Variants in RAP1GDS1 observed in about 807,000 individuals in gnomAD.
RAP1GDS1 encodes Rap1 GTPase-GDP dissociation stimulator 1.
Under a neutral mutation model 71.1 loss-of-function variants are expected in RAP1GDS1, and 35 were observed. The ratio of observed to expected loss-of-function variants is 0.49; its 90% confidence interval spans 0.38 to 0.65. RAP1GDS1 has a LOEUF of 0.65. RAP1GDS1 is among the 30% of genes least tolerant of loss of function. The pLI, the probability that RAP1GDS1 is intolerant of heterozygous loss-of-function variation, is 0.00. For synonymous variants in RAP1GDS1, 229 were observed against 243.1 expected (o/e 0.94, Z 0.54); for missense variants, 663 against 706.1 (o/e 0.94, Z 0.69).
At chr4:98,433,570 G>A (rs140992054) in intron 12 of RAP1GDS1, among the ~76,000 whole-genome samples, 10 of 152,256 alleles carry the variant, frequency 6.6e-5, no homozygotes, top group Admixed American at 2.6e-4. Context: ...CTGAGCCACC[G>A]TGCCCAGCTG....
rs548004841 is a variant in RAP1GDS1 at position 98,419,556 on chromosome 4, A to C, written c.1175-463A>C. Among the ~76,000 whole-genome samples, 9 of 152,348 alleles carry C rather than the reference A, an allele frequency of 5.9e-5. No homozygotes were observed. The East Asian group carries it at 1.7e-3, about 29-fold the overall frequency. ...ACTATTCTTTTATCCTACTTTCTAA[A>C]AATAAATTTCTGATTAGATGAAATA... On this transcript the variant is annotated intron_variant, in intron 10 of 14. Coordinates refer to ENST00000408927, the MANE Select transcript of RAP1GDS1 (RefSeq NM_001100427.2).
At chr4:98,400,836 G>C (rs1745307190) in intron 6 of RAP1GDS1, among the ~76,000 whole-genome samples, 1 of 152,048 alleles carries the variant, frequency 6.6e-6, no homozygotes, top group Non-Finnish European at 1.5e-5. Context: ...ATTATTATTT[G>C]TCAAATAATT....
chr4:98,338,703 A>G (rs1387185112), intron 2 of RAP1GDS1, among the ~76,000 whole-genome samples: 1 of 152,210 alleles, frequency 6.6e-6, no homozygotes, highest in Non-Finnish European at 1.5e-5. Flanking sequence ...CTAAAGCTAT[A>G]TTACCAATCT....
At chr4:98,405,749 G>A (rs150635200) in intron 7 of RAP1GDS1, among the ~76,000 whole-genome samples, 2 of 152,024 alleles carry the variant, frequency 1.3e-5, no homozygotes, top group African/African-American at 4.8e-5. Context: ...CTTCTCAACA[G>A]CAACAATGAA....
chr4:98,343,275 C>T lies in RAP1GDS1; in HGVS notation c.235+14C>T. On this transcript the variant is annotated intron_variant, in intron 3 of 14. Coordinates refer to ENST00000408927, the MANE Select transcript of RAP1GDS1 (RefSeq NM_001100427.2). Reference sequence around the variant, plus strand: ...TAGCCAAAAATGGTGAGGTTTACCTCAAGAACTTTTCTGCTGGGAACGTCT... The same window carrying T: ...TAGCCAAAAATGGTGAGGTTTACCTTAAGAACTTTTCTGCTGGGAACGTCT... 1 of 1,588,254 alleles carries T rather than the reference C, an allele frequency of 6.3e-7. No individual in the cohort carries two copies.
chr4:98,418,673 T>C lies in RAP1GDS1; in HGVS notation c.1056T>C (p.His352=), dbSNP rs774468243. 2.5e-6 allele frequency: 4 copies of C among 1,597,190 alleles called. 1 individual carries two copies. The South Asian group carries it at 4.6e-5, about 18-fold the overall frequency. ...TTTTTTCAGATGCAAATTGTATTCA[T>C]ATGGTAGACAATGGGATTGTAGAAA... ...NFARNDANCI[H]MVDNGIVEKL... Residue 352 remains histidine, a synonymous_variant, in exon 10 of 15, where the codon CAT becomes CAC. Transcript: ENST00000408927.
intron 9 of RAP1GDS1, among the ~76,000 whole-genome samples, chr4:98,418,376 C>A (rs1488584350): frequency 6.6e-6 from 1 of 152,188 alleles, no homozygotes; most frequent in Non-Finnish European, 1.5e-5. Context: ...ATTGGACATT[C>A]TAACCATGTG....
At position 98,421,414 on chromosome 4, in the gene RAP1GDS1, G is replaced by T; in HGVS notation, c.1440+20G>T. 1.9e-6 allele frequency: 3 copies of T among 1,569,712 alleles called. No homozygotes were observed. The highest frequency in any genetic ancestry group is 2.6e-6 in the Non-Finnish European group (3 of 1,158,800). On this transcript the variant is annotated intron_variant, in intron 12 of 14. Transcript: ENST00000408927. ...TCAAAAGTAAGTTCCAGAGGAAACTGTTCACTAGAAAACTTCAGAGTGTCT... is the reference window on the plus strand; with the variant it reads ...TCAAAAGTAAGTTCCAGAGGAAACTTTTCACTAGAAAACTTCAGAGTGTCT...
At chr4:98,310,325 A>G (rs1168358395) in intron 2 of RAP1GDS1, among the ~76,000 whole-genome samples, 4 of 152,170 alleles carry the variant, frequency 2.6e-5, no homozygotes, top group African/African-American at 7.2e-5. Flanking sequence ...AAGTGCTATC[A>G]TAGGGGAATG....
chr4:98,285,481 T>C (rs887109452), intron 1 of RAP1GDS1, among the ~76,000 whole-genome samples: 3 of 152,128 alleles, frequency 2.0e-5, no homozygotes, highest in Admixed American at 2.0e-4. Flanking sequence ...CCACAAAAGT[T>C]TAGTATTTTT....
chr4:98,366,299 A>G (rs1739477557), intron 4 of RAP1GDS1, among the ~76,000 whole-genome samples: 1 of 152,140 alleles, frequency 6.6e-6, no homozygotes. Flanking sequence ...GCTGCCATCC[A>G]TTGAAGACAT....
rs79385594 is a variant in RAP1GDS1 at position 98,283,574 on chromosome 4, A to G, written c.5-9834A>G. On this transcript the variant is annotated intron_variant, in intron 1 of 14. Transcript: ENST00000408927. Reference sequence around the variant, plus strand: ...AGCGATAAAAAAGGACATAATTTAGATTGTCAAGAGAAAACACAGACCCCT... The same window carrying G: ...AGCGATAAAAAAGGACATAATTTAGGTTGTCAAGAGAAAACACAGACCCCT... Among the ~76,000 whole-genome samples the G allele has an allele frequency of 7.8e-3, 1,187 of 152,268 alleles. 15 individuals carry two copies. The highest frequency in any genetic ancestry group is 0.027 in the African/African-American group (1,135 of 41,576).
intron 4 of RAP1GDS1, 98 bp downstream of exon 4, chr4:98,352,699 A>C: frequency 7.5e-7 from 1 of 1,325,158 alleles, no homozygotes; most frequent in Non-Finnish European, 1.0e-6. Context: ...CTAGGCTAAA[A>C]CACTAACATG....
chr4:98,324,039 A>G (rs1324955722), intron 2 of RAP1GDS1, among the ~76,000 whole-genome samples: 1 of 151,194 alleles, frequency 6.6e-6, no homozygotes, highest in Non-Finnish European at 1.5e-5. Flanking sequence ...GTCTCAGCCC[A>G]AAATCTCCTT....
chr4:98,340,966 C>T (rs1735429351), intron 2 of RAP1GDS1, among the ~76,000 whole-genome samples: 1 of 151,864 alleles, frequency 6.6e-6, no homozygotes, highest in African/African-American at 2.4e-5. Flanking sequence ...ACACCAAACC[C>T]CCATGACATG....
intron 2 of RAP1GDS1, among the ~76,000 whole-genome samples, chr4:98,321,378 C>A (rs1263034302): frequency 1.2e-4 from 17 of 141,376 alleles, no homozygotes; most frequent in South Asian, 5.0e-4. Context: ...CTTCCCCAAT[C>A]TAGCAAGGCA....
chr4:98,340,618 G>A (rs554537408), intron 2 of RAP1GDS1, among the ~76,000 whole-genome samples: 1 of 152,030 alleles, frequency 6.6e-6, no homozygotes, highest in East Asian at 1.9e-4. Context: ...GCATTGGGGT[G>A]CACACCTGTA....
chr4:98,334,276 G>A (rs1299101667), intron 2 of RAP1GDS1, among the ~76,000 whole-genome samples: 3 of 151,550 alleles, frequency 2.0e-5, no homozygotes, highest in African/African-American at 7.3e-5. Flanking sequence ...AAAATTTTGG[G>A]GTAAAACTGT....
chr4:98,296,175 C>A (rs1727720704), intron 2 of RAP1GDS1, among the ~76,000 whole-genome samples: 1 of 151,854 alleles, frequency 6.6e-6, no homozygotes. Context: ...CCATTCTGTA[C>A]AAATATAAGA....
Sources: gnomAD v4.1 joint callset for allele counts (sites outside exome capture counted in the v4.1 genomes callset) on GRCh38, gnomAD v4.1.1 for gene constraint, MANE v1.5 for transcripts, NCBI Gene and HGNC (gene_info 2026-07-23, HGNC 2026-07-21) for gene names.